USP34: variants seen among roughly 807,000 people sequenced by gnomAD.
USP34 encodes ubiquitin carboxyl-terminal hydrolase 34.
USP34 carries 70 observed loss-of-function variants against 460.3 expected under a neutral mutation model. That is an observed-to-expected ratio of 0.15 (90% CI 0.13 to 0.19). The LOEUF (loss-of-function observed/expected upper bound fraction) is 0.19, where lower values mean the gene tolerates loss of function less well. USP34 is among the 10% of genes least tolerant of loss of function. The pLI, the probability that USP34 is intolerant of heterozygous loss-of-function variation, is 1.00. For missense variants in USP34, 3,985 were observed against 4,236.2 expected (o/e 0.94, Z 1.65); for synonymous variants, 1,647 against 1,405.3 (o/e 1.17, Z -3.85).
intron 60 of USP34, 32 bp downstream of exon 60, chr2:61,228,795 T>A (rs752966072): frequency 1.9e-6 from 3 of 1,587,064 alleles, no homozygotes; most frequent in Non-Finnish European, 2.6e-6. Flanking sequence ...AAAAGGTAGA[T>A]AATCAAAAAA....
At chr2:61,200,652 A>T (rs1686949081) in intron 75 of USP34, 1 of 152,310 alleles carries the variant, frequency 6.6e-6, no homozygotes, top group African/African-American at 2.4e-5. Context: ...GCCCTTGGAC[A>T]TGTAACCTCA....
At chr2:61,370,924 AG>A (rs1692603763) in intron 8 of USP34, among the ~76,000 whole-genome samples, 1 of 152,198 alleles carries the variant, frequency 6.6e-6, no homozygotes, top group Non-Finnish European at 1.5e-5. Context: ...CACTCAGGAA[AG>A]GTTTCCCAGT....
intron 2 of USP34, among the ~76,000 whole-genome samples, chr2:61,415,263 G>T (rs965433812): frequency 6.6e-6 from 1 of 152,090 alleles, no homozygotes; most frequent in Non-Finnish European, 1.5e-5. Flanking sequence ...ATGACCAGGG[G>T]TGGGGGGATA....
At chr2:61,467,609 G>A (rs1446909111) in intron 1 of USP34, among the ~76,000 whole-genome samples, 1 of 137,498 alleles carries the variant, frequency 7.3e-6, no homozygotes, top group Non-Finnish European at 1.5e-5. Context: ...TGGGAGGACT[G>A]TAACTTTGTT....
intron 75 of USP34, among the ~76,000 whole-genome samples, chr2:61,197,786 G>C (rs973733520): frequency 2.6e-5 from 4 of 152,006 alleles, no homozygotes; most frequent in African/African-American, 9.7e-5. Context: ...GGGGAACAGA[G>C]TCTCACTCTG....
chr2:61,378,475 G>A, intron 7 of USP34, 51 bp from the exon 8 acceptor site: 1 of 1,223,460 alleles, frequency 8.2e-7, no homozygotes, highest in Non-Finnish European at 1.2e-6. Flanking sequence ...AATTATTCTT[G>A]CATTTGTCAG....
At chr2:61,269,804 T>C (rs1300385042) in intron 41 of USP34, among the ~76,000 whole-genome samples, 2 of 152,040 alleles carry the variant, frequency 1.3e-5, no homozygotes, top group Non-Finnish European at 2.9e-5. Context: ...ATAATAATTA[T>C]ATATATTAAT....
In USP34 at chr2:61,466,837, G is replaced by C. The variant is rs750635877; in HGVS notation, c.43+3813C>G. ...TGAGGCAGAAGAATCACTTGAATCC[G>C]GGAGGTGGAGGTTGCAGCTAGCCGA... On this transcript the variant is annotated intron_variant, in intron 1 of 79. Transcript: ENST00000398571. 1.4e-4 allele frequency among the ~76,000 whole-genome samples: 21 copies of C among 151,868 alleles called. 1 individual carries two copies. Among genetic ancestry groups the C allele is most frequent in the Non-Finnish European group, 2.8e-4 (19 of 67,990 alleles).
intron 30 of USP34, 48 bp from the exon 31 acceptor site, chr2:61,295,338 CAAAA>C: frequency 2.6e-6 from 4 of 1,528,700 alleles, no homozygotes; most frequent in Non-Finnish European, 3.5e-6. Flanking sequence ...TCAGGGAACA[CAAAA>C]AAGAAAAACT....
chr2:61,312,042 G>C (rs1558524322), intron 25 of USP34, 132 bp from the exon 26 acceptor site: 7 of 1,094,408 alleles, frequency 6.4e-6, no homozygotes, highest in Non-Finnish European at 7.4e-6. Context: ...GTATTCTACA[G>C]CAACAAATTT....
At chr2:61,223,202 T>C (rs1289486084) in intron 63 of USP34, 38 bp from the exon 64 acceptor site, 2 of 1,613,232 alleles carry the variant, frequency 1.2e-6, no homozygotes, top group Non-Finnish European at 8.5e-7. Context: ...AGAACCGTTA[T>C]TATTTTTGTG....
chr2:61,437,906 T>C (rs1694862495), intron 1 of USP34, among the ~76,000 whole-genome samples: 1 of 152,048 alleles, frequency 6.6e-6, no homozygotes, highest in Admixed American at 6.5e-5. Flanking sequence ...GGTTCACTGC[T>C]GAAATCTACC....
At chr2:61,256,602 C>A in intron 47 of USP34, 124 bp from the exon 48 acceptor site, 1 of 706,362 alleles carries the variant, frequency 1.4e-6, no homozygotes, top group South Asian at 2.7e-5. Flanking sequence ...AAAGTGAATT[C>A]TTAAATTTTA....
At chr2:61,320,761 G>C (rs1294620554) in intron 21 of USP34, among the ~76,000 whole-genome samples, 1 of 152,150 alleles carries the variant, frequency 6.6e-6, no homozygotes, top group Non-Finnish European at 1.5e-5. Flanking sequence ...TGTAATCCCA[G>C]CCCTTCGGGA....
intron 41 of USP34, among the ~76,000 whole-genome samples, chr2:61,266,816 G>A (rs1689061139): frequency 6.6e-6 from 1 of 152,302 alleles, no homozygotes; most frequent in Non-Finnish European, 1.5e-5. Context: ...CCCACAGAAA[G>A]GCTGACCTTT....
chr2:61,462,309 G>A (rs1249432905), intron 1 of USP34, among the ~76,000 whole-genome samples: 1 of 151,658 alleles, frequency 6.6e-6, no homozygotes, highest in Non-Finnish European at 1.5e-5. Context: ...AGCAGTTTGG[G>A]AGGCCGAGGT....
intron 33 of USP34, among the ~76,000 whole-genome samples, chr2:61,289,598 C>A (rs952151217): frequency 6.6e-6 from 1 of 152,056 alleles, no homozygotes; most frequent in Non-Finnish European, 1.5e-5. Context: ...TATATTCCTA[C>A]ACAAACATAC....
At chr2:61,466,310 A>T (rs1293478715) in intron 1 of USP34, among the ~76,000 whole-genome samples, 2 of 151,872 alleles carry the variant, frequency 1.3e-5, no homozygotes, top group African/African-American at 4.8e-5. Context: ...CTGTAGTCCC[A>T]GCTACTTGGG....
At chr2:61,243,002 C>T (rs1417037018) in intron 51 of USP34, among the ~76,000 whole-genome samples, 1 of 151,882 alleles carries the variant, frequency 6.6e-6, no homozygotes, top group Non-Finnish European at 1.5e-5. Context: ...GCTATCAAAC[C>T]TGGCTAATTT....
Sources: allele counts gnomAD v4.1 joint callset (sites outside exome capture counted in the v4.1 genomes callset), GRCh38; gene constraint gnomAD v4.1.1; transcripts MANE v1.5; gene names NCBI Gene and HGNC (gene_info 2026-07-23, HGNC 2026-07-21).